The following UBE2R2 variants were observed in gnomAD, a reference collection of about 807,000 sequenced individuals.
UBE2R2 encodes ubiquitin conjugating enzyme E2 R2, also known as ubiquitin-conjugating enzyme E2 R2.
A neutral mutation model predicts 27.8 loss-of-function variants in UBE2R2; 1 was observed. That is an observed-to-expected ratio of 0.04 (90% CI 0.01 to 0.17). The LOEUF is 0.17. Ranked by LOEUF, UBE2R2 falls within the 10% of genes least tolerant of loss-of-function variation. The probability of loss-of-function intolerance (pLI) is 1.00; values close to 1 mark genes in which losing one functional copy is unlikely to be tolerated. For synonymous variants in UBE2R2, 106 were observed against 113.3 expected, an observed-to-expected ratio of 0.94 and a Z score of 0.41; for missense variants, 100 against 291.0, an observed-to-expected ratio of 0.34 and a Z score of 4.78.
At chr9:33,832,035 G>A (rs963169312) in intron 1 of UBE2R2, among the ~76,000 whole-genome samples, 20 of 151,920 alleles carry the variant, frequency 1.3e-4, no homozygotes, top group Non-Finnish European at 2.9e-4. Context: ...TAGGCCGGGT[G>A]CAGTGCCTCA....
chr9:33,869,005 C>T lies in UBE2R2; in HGVS notation c.178-17876C>T, dbSNP rs112334690. ...TTTTTTGGCCAGGCATGGTGGCTCA[C>T]GCCTATAATCTCAGCACTTTGGGAG... On this transcript the variant is annotated intron_variant, in intron 1 of 4. Coordinates refer to ENST00000263228, the MANE Select transcript of UBE2R2 (RefSeq NM_017811.4). Among the ~76,000 whole-genome samples, 438 of 152,232 alleles carry T rather than the reference C, an allele frequency of 2.9e-3. 7 individuals are homozygous for T. Among genetic ancestry groups the T allele is most frequent in the African/African-American group, 9.8e-3 (409 of 41,552 alleles).
intron 1 of UBE2R2, among the ~76,000 whole-genome samples, chr9:33,841,372 G>A (rs914645946): frequency 4.6e-5 from 7 of 152,064 alleles, no homozygotes; most frequent in East Asian, 3.9e-4. Context: ...GAGCCACTGC[G>A]CCCAGCCTTA....
rs1822705548 is a variant in UBE2R2, at chr9:33,918,261, T to G, written c.*1024T>G. 6.6e-6 allele frequency: 1 copy of G among 152,146 alleles called. No individual in the cohort carries two copies. The highest frequency in any genetic ancestry group is 1.9e-4 in the East Asian group (1 of 5,184). 9.4% of individuals were successfully genotyped at this position (152,146 alleles called of 1,614,324 possible). On this transcript the variant is annotated 3_prime_UTR_variant, in exon 5 of 5. Transcript: ENST00000263228. ...GTTTTTGTTTTTTAAGTAGCCACTTTTAATTACTCAGTATTAATCCTAGGT... is the reference window on the plus strand; with the variant it reads ...GTTTTTGTTTTTTAAGTAGCCACTTGTAATTACTCAGTATTAATCCTAGGT...
intron 1 of UBE2R2, among the ~76,000 whole-genome samples, chr9:33,863,566 C>T (rs1022473996): frequency 1.3e-5 from 2 of 150,568 alleles, no homozygotes; most frequent in African/African-American, 4.9e-5. Flanking sequence ...TAGTGTTTTT[C>T]GTGAAAAATT....
chr9:33,841,504 T>C (rs1266678929), intron 1 of UBE2R2, among the ~76,000 whole-genome samples: 1 of 152,156 alleles, frequency 6.6e-6, no homozygotes, highest in Non-Finnish European at 1.5e-5. Context: ...TCTTTTACAG[T>C]TTCTACCCCA....
chr9:33,875,087 A>G (rs113766145), intron 1 of UBE2R2, among the ~76,000 whole-genome samples: 1,853 of 151,928 alleles, frequency 0.012, 39 homozygotes, highest in African/African-American at 0.042. Flanking sequence ...TGCTGGGATT[A>G]CAGGCGTGAG....
intron 2 of UBE2R2, among the ~76,000 whole-genome samples, chr9:33,897,395 G>A (rs560865560): frequency 2.0e-5 from 3 of 148,444 alleles, no homozygotes; most frequent in African/African-American, 5.0e-5. Context: ...TCGGCTCACC[G>A]CAACCTCCGC....
intron 1 of UBE2R2, among the ~76,000 whole-genome samples, chr9:33,833,835 CCTTT>C (rs1563982749): frequency 6.6e-6 from 1 of 152,182 alleles, no homozygotes; most frequent in African/African-American, 2.4e-5. Context: ...TCTCAATTCT[CCTTT>C]CTGTCTTTAT....
chr9:33,915,177 T>G (rs1178581918), intron 4 of UBE2R2, among the ~76,000 whole-genome samples: 1 of 151,522 alleles, frequency 6.6e-6, no homozygotes, highest in Non-Finnish European at 1.5e-5. Context: ...CAACATGGAC[T>G]AAACTGAGGT....
chr9:33,854,185 A>T (rs998037359), intron 1 of UBE2R2, among the ~76,000 whole-genome samples: 3 of 152,092 alleles, frequency 2.0e-5, no homozygotes, highest in Non-Finnish European at 4.4e-5. Flanking sequence ...ATTATATCAT[A>T]GTTAATGTGA....
chr9:33,830,506 C>G (rs895085584), intron 1 of UBE2R2, among the ~76,000 whole-genome samples: 1 of 150,506 alleles, frequency 6.6e-6, no homozygotes, highest in East Asian at 2.0e-4. Flanking sequence ...TTGGCTCATG[C>G]CTGTAATCCC....
At chr9:33,894,945 C>T (rs1256072486) in intron 2 of UBE2R2, among the ~76,000 whole-genome samples, 2 of 152,158 alleles carry the variant, frequency 1.3e-5, no homozygotes, top group Non-Finnish European at 2.9e-5. Context: ...AGCAGTCCTC[C>T]CCGCTCAGCC....
At chr9:33,829,349 A>G (rs973839866) in intron 1 of UBE2R2, among the ~76,000 whole-genome samples, 1 of 152,162 alleles carries the variant, frequency 6.6e-6, no homozygotes, top group African/African-American at 2.4e-5. Context: ...ATATAAGTCT[A>G]AGAATTTGGT....
intron 1 of UBE2R2, among the ~76,000 whole-genome samples, chr9:33,858,861 G>A (rs1384562644): frequency 6.6e-6 from 1 of 152,104 alleles, no homozygotes; most frequent in Non-Finnish European, 1.5e-5. Flanking sequence ...GCCTCACTCT[G>A]TTGCCCAGGG....
chr9:33,897,783 T>C (rs1822150773), intron 2 of UBE2R2, among the ~76,000 whole-genome samples: 1 of 150,136 alleles, frequency 6.7e-6, no homozygotes, highest in Non-Finnish European at 1.5e-5. Context: ...TTCTTTTTTT[T>C]TTTTTTTTTG....
At chr9:33,916,215 C>T (rs897742437) in intron 4 of UBE2R2, among the ~76,000 whole-genome samples, 2 of 152,070 alleles carry the variant, frequency 1.3e-5, no homozygotes, top group Non-Finnish European at 2.9e-5. Flanking sequence ...GTGGCGGGAG[C>T]CTGTAATCTC....
intron 1 of UBE2R2, among the ~76,000 whole-genome samples, chr9:33,877,026 C>G (rs1381007957): frequency 6.6e-6 from 1 of 152,014 alleles, no homozygotes; most frequent in Admixed American, 6.5e-5. Flanking sequence ...TGCCTGTAAT[C>G]CCAGCTACTC....
chr9:33,900,363 A>G, intron 3 of UBE2R2, 92 bp downstream of exon 3: 1 of 886,314 alleles, frequency 1.1e-6, no homozygotes, highest in Non-Finnish European at 1.8e-6. Context: ...TTTAACATGT[A>G]AAAAATCATC....
At chr9:33,851,887 T>C (rs944728491) in intron 1 of UBE2R2, among the ~76,000 whole-genome samples, 3 of 152,104 alleles carry the variant, frequency 2.0e-5, no homozygotes, top group Non-Finnish European at 2.9e-5. Context: ...GCATAAATAG[T>C]ATTATTTTAA....
Sources: allele counts gnomAD v4.1 joint callset (sites outside exome capture counted in the v4.1 genomes callset), GRCh38; gene constraint gnomAD v4.1.1; transcripts MANE v1.5; gene names NCBI Gene and HGNC (gene_info 2026-07-23, HGNC 2026-07-21).